PEX10: variants seen among roughly 807,000 people sequenced by gnomAD.
PEX10 encodes peroxisomal biogenesis factor 10.
A neutral mutation model predicts 38.0 loss-of-function variants in PEX10; 32 were observed. The ratio of observed to expected loss-of-function variants is 0.84; its 90% CI spans 0.63 to 1.13. PEX10 has a LOEUF of 1.13. PEX10 is among the 50% of genes most tolerant of loss of function. The pLI is 0.00. For missense variants in PEX10, 483 were observed against 457.7 expected (o/e 1.06, Z -0.51); for synonymous variants, 206 against 207.3 (o/e 0.99, Z 0.05).
chr1:2,410,492 C>T lies in PEX10; in HGVS notation c.113-41G>A. On this transcript the variant is annotated intron_variant, in intron 1 of 5. Coordinates refer to ENST00000447513, the MANE Select transcript of PEX10 (RefSeq NM_002617.4). The surrounding 1 kb of genome is among the most constrained non-coding windows in gnomAD (Gnocchi z 5.1). The stretch of plus-strand genomic sequence containing the variant: ...GTATTAGTCCGGGGGAGCTGGTGGG[C>T]ATCCTCTGAGGATGAGGGACCACAG... 1 of 1,580,462 alleles carries T rather than the reference C, an allele frequency of 6.3e-7. No homozygotes were observed. The highest frequency in any genetic ancestry group is 2.2e-5 in the East Asian group (1 of 44,540).
chr1:2,413,335 C>T (rs1335180216), upstream of PEX10, among the ~76,000 whole-genome samples: 1 of 152,244 alleles, frequency 6.6e-6, no homozygotes. Context: ...CCCGCAGGTG[C>T]TCTGGGGAAC....
rs370077726 is a variant in PEX10 at position 2,406,986 on chromosome 1, A to G, written c.601-91T>C. 35 of 1,522,632 alleles carry G rather than the reference A, an allele frequency of 2.3e-5. No individual in the cohort carries two copies. In the African/African-American group the frequency reaches 3.3e-4, roughly 14 times the overall value. 94.3% of individuals were successfully genotyped at this position (1,522,632 alleles called of 1,614,324 possible). A position where few individuals can be genotyped will look rare whatever the true frequency, so the allele number is the denominator to read the frequency against. ...AGGGTCACACGTTCAGTTGGCACAG[A>G]GCACGTTAGAACCAGGCCTCTCACT... On this transcript the variant is annotated intron_variant, in intron 3 of 5. Coordinates refer to ENST00000447513, the MANE Select transcript of PEX10 (RefSeq NM_002617.4).
upstream of PEX10, among the ~76,000 whole-genome samples, chr1:2,413,427 GGA>G (rs1408288134): frequency 6.6e-6 from 1 of 152,254 alleles, no homozygotes; most frequent in East Asian, 1.9e-4. Context: ...CCGCACACCT[GGA>G]GGGGACAGAA....
intron 3 of PEX10, 21 bp downstream of exon 3, chr1:2,408,431 C>A: frequency 1.2e-6 from 2 of 1,612,178 alleles, no homozygotes; most frequent in Non-Finnish European, 1.7e-6. Flanking sequence ...AGCAGCTGTG[C>A]CCTCAGCGCC....
At chr1:2,407,460 A>G (rs1294042168) in intron 3 of PEX10, among the ~76,000 whole-genome samples, 1 of 152,170 alleles carries the variant, frequency 6.6e-6, no homozygotes, top group Non-Finnish European at 1.5e-5. Flanking sequence ...CGGGAACCAC[A>G]TACAGAGGTG....
rs1643093178 is a variant in PEX10, at chr1:2,408,760, G to A, written c.292C>T (p.Leu98=). 1 of 1,613,842 alleles carries A rather than the reference G, an allele frequency of 6.2e-7. No individual in the cohort carries two copies. Among genetic ancestry groups the A allele is most frequent in the South Asian group, 1.1e-5 (1 of 91,086 alleles). The change falls in exon 3 of 6, where the codon CTG becomes TTG. Residue 98 remains leucine (L), a synonymous_variant. Transcript: ENST00000447513. ...AGCAGGTAGGGCAGGACGGCATGCA[G>A]TGTCACCAGCACGCCACGGCGCAGC... ...SSLRRGVLVT[L]HAVLPYLLDK...
At position 2,405,693 on chromosome 1, in the gene PEX10, A is replaced by T; in HGVS notation, c.*73T>A. ...TTCTAACTTCTGTGCAAGCAAGGTT[A>T]ATCCTGAGACTAAATCTTGGCGTTC... On this transcript the variant is annotated 3_prime_UTR_variant, in exon 6 of 6. Coordinates refer to ENST00000447513, the MANE Select transcript of PEX10 (RefSeq NM_002617.4). 1.5e-6 allele frequency: 2 copies of T among 1,300,270 alleles called. No homozygotes were observed. The highest frequency in any genetic ancestry group is 2.2e-6 in the Non-Finnish European group (2 of 918,678). The allele number at this position is 1,300,270 out of a possible 1,614,324, so 80.5% of individuals were successfully genotyped here.
chr1:2,412,156 C>T (rs1488816700), intron 1 of PEX10, among the ~76,000 whole-genome samples: 1 of 152,356 alleles, frequency 6.6e-6, no homozygotes, highest in East Asian at 1.9e-4. Flanking sequence ...TGGAGGCCCA[C>T]GCAGGTCCCC....
At chr1:2,411,365 T>TG (rs1643204763) in intron 1 of PEX10, among the ~76,000 whole-genome samples, 1 of 151,110 alleles carries the variant, frequency 6.6e-6, no homozygotes, top group African/African-American at 2.4e-5. Context: ...CCCAAGTAGC[T>TG]GGGATTACAC....
chr1:2,410,876 G>A lies in PEX10; in HGVS notation c.113-425C>T, dbSNP rs1267430634. On this transcript the variant is annotated intron_variant, in intron 1 of 5. Transcript: ENST00000447513. This position sits in a 1 kb window ranked among gnomAD's most constrained non-coding sequence, Gnocchi z 5.1. ...TCAGAAGAGTAATAAGTCCTACTTG[G>A]AGGGATGTTTGAAGATTCAATATTT... 4.4e-6 allele frequency: 2 copies of A among 457,740 alleles called. No homozygotes were observed. The highest frequency in any genetic ancestry group is 3.1e-5 in the South Asian group (2 of 64,582). 28.4% of individuals were successfully genotyped at this position (457,740 alleles called of 1,614,324 possible).
Position 2,410,233 on chromosome 1 carries a change from C to T in PEX10, c.193+138G>A, listed in dbSNP as rs1030525981. ...TGCCTCGCCTCCCTCGGAGCAGTAC[C>T]TCCTGCACTTCCCTGAAGCAACCTC... is the stretch of plus-strand genomic sequence containing the variant. On this transcript the variant is annotated intron_variant, in intron 2 of 5. Transcript: ENST00000447513. This position sits in a 1 kb window ranked among gnomAD's most constrained non-coding sequence, Gnocchi z 5.1. The T allele has an allele frequency of 1.3e-6, 1 of 754,454 alleles. No homozygotes were observed. Among genetic ancestry groups the T allele is most frequent in the South Asian group, 1.5e-5 (1 of 68,314 alleles). 46.7% of individuals were successfully genotyped at this position (754,454 alleles called of 1,614,324 possible). A position where few individuals can be genotyped will look rare whatever the true frequency, so the allele number is the denominator to read the frequency against.
At chr1:2,406,329 C>T (rs1643001167) in intron 5 of PEX10, among the ~76,000 whole-genome samples, 155 bp downstream of exon 5, 1 of 152,232 alleles carries the variant, frequency 6.6e-6, no homozygotes, top group South Asian at 2.1e-4. Flanking sequence ...GAACCCACAT[C>T]TGACCTACCT....
In PEX10 at chr1:2,406,909, G is replaced by A. The variant is rs575744709; in HGVS notation, c.601-14C>T. ...GCGGACACGGAGCTGTAAGGCAGAT[G>A]GCGCCACACTCATCAGGACCCTGAG... On this transcript the variant is annotated splice_polypyrimidine_tract_variant and intron_variant, in intron 3 of 5. Coordinates refer to ENST00000447513, the MANE Select transcript of PEX10 (RefSeq NM_002617.4). The A allele has an allele frequency of 1.9e-6, 3 of 1,606,330 alleles. No individual in the cohort carries two copies. In the South Asian group the frequency reaches 3.3e-5, roughly 18 times the overall value.
In PEX10 at chr1:2,404,211, A is replaced by C. The variant is rs1642922340; in HGVS notation, c.*1555T>G. 1 of 152,306 alleles carries C rather than the reference A, an allele frequency of 6.6e-6. No individual in the cohort carries two copies. The highest frequency in any genetic ancestry group is 6.5e-5 in the Admixed American group (1 of 15,298). 9.4% of individuals were successfully genotyped at this position (152,306 alleles called of 1,614,324 possible). The stretch of plus-strand genomic sequence containing the variant: ...TTCCTGTCTCAGAATTGACACGGTG[A>C]ATGCTTAGTGTCTGGATTTTCTTGT... On this transcript the variant is annotated 3_prime_UTR_variant, in exon 6 of 6. Transcript: ENST00000447513.
At position 2,406,481 on chromosome 1, in the gene PEX10, C is replaced by A; in HGVS notation, c.912+3G>T. 6.2e-7 allele frequency: 1 copy of A among 1,611,502 alleles called. No individual in the cohort carries two copies. The highest frequency in any genetic ancestry group is 8.5e-7 in the Non-Finnish European group (1 of 1,179,970). On this transcript the variant is annotated splice_donor_region_variant and intron_variant, in intron 5 of 5. Coordinates refer to ENST00000447513, the MANE Select transcript of PEX10 (RefSeq NM_002617.4). ...CCAGGACGGCAGCAGGCTCCCACCT[C>A]ACCTTGCTGCTGCACCACGCGGTGA...
intron 1 of PEX10, among the ~76,000 whole-genome samples, chr1:2,411,434 T>C (rs1643210809): frequency 6.6e-6 from 1 of 152,044 alleles, no homozygotes; most frequent in African/African-American, 2.4e-5. Flanking sequence ...GGTTTCACCA[T>C]GTTGTGTAGA....
rs1357368292 is a variant in PEX10 at position 2,410,880 on chromosome 1, G to A, written c.113-429C>T. ...AAGAGTAATAAGTCCTACTTGGAGG[G>A]ATGTTTGAAGATTCAATATTTGTAA... On this transcript the variant is annotated intron_variant, in intron 1 of 5. Coordinates refer to ENST00000447513, the MANE Select transcript of PEX10 (RefSeq NM_002617.4). The surrounding 1 kb of genome is among the most constrained non-coding windows in gnomAD (Gnocchi z 5.1). The A allele has an allele frequency of 4.4e-6, 2 of 457,174 alleles. No homozygotes were observed. Among genetic ancestry groups the A allele is most frequent in the East Asian group, 1.4e-4 (2 of 14,442 alleles). The allele number at this position is 457,174 out of a possible 1,614,324, so 28.3% of individuals were successfully genotyped here.
chr1:2,408,439 G>A lies in PEX10; in HGVS notation c.600+13C>T, dbSNP rs375803322. On this transcript the variant is annotated intron_variant, in intron 3 of 5. Coordinates refer to ENST00000447513, the MANE Select transcript of PEX10 (RefSeq NM_002617.4). ...CGGCCTAAGCAGCTGTGCCCTCAGC[G>A]CCTGCTACTTACGTACGTGATCCCC... 23 of 1,612,436 alleles carry A rather than the reference G, an allele frequency of 1.4e-5. No homozygotes were observed. Among genetic ancestry groups the A allele is most frequent in the Admixed American group, 1.2e-4 (7 of 60,008 alleles).
chr1:2,410,154 A>G lies in PEX10; in HGVS notation c.193+217T>C. On this transcript the variant is annotated intron_variant, in intron 2 of 5. Transcript: ENST00000447513. This position sits in a 1 kb window ranked among gnomAD's most constrained non-coding sequence, Gnocchi z 5.1. ...GCACCCGGGGTAAAGTCTTAAACAA[A>G]GAACCCCAGGGACACACAAAGGCTG... 1.8e-6 allele frequency: 1 copy of G among 569,230 alleles called. No homozygotes were observed. The highest frequency in any genetic ancestry group is 3.2e-6 in the Non-Finnish European group (1 of 315,710). 35.3% of individuals were successfully genotyped at this position (569,230 alleles called of 1,614,324 possible).
Sources: gnomAD v4.1 joint callset for allele counts (sites outside exome capture counted in the v4.1 genomes callset) on GRCh38, gnomAD v4.1.1 for gene constraint, Gnocchi (gnomAD v3.1) non-coding constraint, MANE v1.5 for transcripts, NCBI Gene and HGNC (gene_info 2026-07-23, HGNC 2026-07-21) for gene names.